Variants in TRIM9 observed in about 807,000 individuals in gnomAD.
TRIM9 encodes the protein tripartite motif containing 9.
A neutral mutation model predicts 78.3 loss-of-function variants in TRIM9; 26 were observed. The observed-to-expected ratio is 0.33, with a 90% CI of 0.24 to 0.46. TRIM9 has a LOEUF of 0.46. Ranked by LOEUF, TRIM9 falls within the 20% of genes least tolerant of loss-of-function variation. The pLI is 1.00. For missense variants in TRIM9, 787 were observed against 1,036.4 expected (o/e 0.76, Z 3.30); for synonymous variants, 398 against 416.5 (o/e 0.96, Z 0.54).
rs1160057754 is a variant in TRIM9 at position 51,066,087 on chromosome 14, A to AGGAGGGAG, written c.822+28023_822+28030dup. ...AAGGAAGGAAGGAAGGAAGGAAGGAAGGAGGGAGGGAGGGACGGAGGGAGG... is the reference window on the plus strand; with the variant it reads ...AAGGAAGGAAGGAAGGAAGGAAGGAAGGAGGGAGGGAGGGAGGGAGGGACGGAGGGAGG... On this transcript the variant is annotated intron_variant, in intron 1 of 12. Coordinates refer to ENST00000684578, the MANE Select transcript of TRIM9 (RefSeq NM_001387360.1). 3.3e-3 allele frequency among the ~76,000 whole-genome samples: 242 copies of AGGAGGGAG among 72,394 alleles called. 1 individual carries two copies. Among genetic ancestry groups the AGGAGGGAG allele is most frequent in the African/African-American group, 0.013 (227 of 18,044 alleles). The allele number at this position is 72,394 out of a possible 152,430, so 47.5% of individuals were successfully genotyped here. A position where few individuals can be genotyped will look rare whatever the true frequency, so the allele number is the denominator to read the frequency against.
At chr14:50,980,162 G>C (rs1372237861) in intron 11 of TRIM9, among the ~76,000 whole-genome samples, 1 of 152,128 alleles carries the variant, frequency 6.6e-6, no homozygotes, top group Non-Finnish European at 1.5e-5. Flanking sequence ...TGTTGCATTT[G>C]AATTAAGAAC....
chr14:51,021,297 G>T (rs755473705), intron 3 of TRIM9, among the ~76,000 whole-genome samples: 2 of 152,184 alleles, frequency 1.3e-5, no homozygotes, highest in Non-Finnish European at 2.9e-5. Context: ...CAGCTTTGCC[G>T]ATTCCTGCAG....
intron 1 of TRIM9, among the ~76,000 whole-genome samples, chr14:51,076,714 C>T (rs568619507): frequency 2.6e-5 from 4 of 152,314 alleles, no homozygotes; most frequent in Non-Finnish European, 4.4e-5. Context: ...CTTTCATCTT[C>T]GCAACAGTCC....
chr14:51,090,478 G>C (rs911260485), intron 1 of TRIM9: 9 of 152,116 alleles, frequency 5.9e-5, no homozygotes, highest in African/African-American at 1.4e-4. Context: ...AAAGGTAAGA[G>C]AAAAATAACA....
rs140776674 is a variant in TRIM9, at chr14:50,981,604, C to T, written c.2162+196G>A. Among the ~76,000 whole-genome samples the T allele has an allele frequency of 3.4e-3, 516 of 152,276 alleles. 1 individual carries two copies. Among genetic ancestry groups the T allele is most frequent in the African/African-American group, 0.012 (490 of 41,548 alleles). On this transcript the variant is annotated intron_variant, in intron 11 of 12. Transcript: ENST00000684578. Reference sequence around the variant, plus strand: ...GCAATGAAGGGAGTAGGAAAGTACTCAAGTCTCTATCATTATATAGAAAGT... The same window carrying T: ...GCAATGAAGGGAGTAGGAAAGTACTTAAGTCTCTATCATTATATAGAAAGT...
intron 7 of TRIM9, among the ~76,000 whole-genome samples, chr14:50,990,003 T>C (rs2053278553): frequency 6.6e-6 from 1 of 152,168 alleles, no homozygotes; most frequent in Non-Finnish European, 1.5e-5. Flanking sequence ...TTGGCCACCA[T>C]ATATTTCTTT....
intron 5 of TRIM9, among the ~76,000 whole-genome samples, chr14:51,001,260 C>T (rs1426307045): frequency 3.5e-5 from 5 of 142,756 alleles, no homozygotes; most frequent in East Asian, 2.0e-4. Context: ...GATGGAGTGT[C>T]GCTCTGTCGC....
chr14:51,009,858 G>T (rs975877366), intron 4 of TRIM9, among the ~76,000 whole-genome samples: 1 of 152,170 alleles, frequency 6.6e-6, no homozygotes, highest in African/African-American at 2.4e-5. Context: ...CAAAGCTTAA[G>T]TAAAATCCAG....
intron 8 of TRIM9, 145 bp downstream of exon 8, chr14:50,985,811 T>C: frequency 1.5e-6 from 1 of 676,668 alleles, no homozygotes; most frequent in Non-Finnish European, 2.2e-6. Context: ...ACCATCCCGA[T>C]GCTCCTCATA....
intron 3 of TRIM9, among the ~76,000 whole-genome samples, chr14:51,022,002 C>CTG (rs2057799055): frequency 6.6e-6 from 1 of 151,982 alleles, no homozygotes; most frequent in Non-Finnish European, 1.5e-5. Context: ...ATTTTTTTGC[C>CTG]TGTGTATGGC....
intron 7 of TRIM9, among the ~76,000 whole-genome samples, chr14:50,992,516 T>A (rs2053650051): frequency 6.6e-6 from 1 of 151,830 alleles, no homozygotes; most frequent in Non-Finnish European, 1.5e-5. Context: ...AAGGTTACAG[T>A]GAGCCACGAT....
chr14:51,071,959 G>A (rs2062313583), intron 1 of TRIM9, among the ~76,000 whole-genome samples: 1 of 152,224 alleles, frequency 6.6e-6, no homozygotes, highest in Non-Finnish European at 1.5e-5. Flanking sequence ...GCCAATCCCG[G>A]ACTCAGCAGC....
At chr14:50,979,602 C>G (rs918897000) in intron 11 of TRIM9, 53 bp from the exon 12 acceptor site, 26 of 1,484,578 alleles carry the variant, frequency 1.8e-5, no homozygotes, top group Non-Finnish European at 2.3e-5. Context: ...ACTCTAGAAG[C>G]TCCCCCCTTT....
chr14:51,086,477 ACCGGG>A (rs1340989425), intron 1 of TRIM9, among the ~76,000 whole-genome samples: 14 of 152,230 alleles, frequency 9.2e-5, no homozygotes, highest in Non-Finnish European at 1.9e-4. Flanking sequence ...AATTTAAAAT[ACCGGG>A]TTATATTGCT....
At chr14:51,093,430 T>C (rs1241156635) in intron 1 of TRIM9, among the ~76,000 whole-genome samples, 1 of 152,254 alleles carries the variant, frequency 6.6e-6, no homozygotes, top group East Asian at 1.9e-4. Context: ...CCTGACACTC[T>C]AGTCTCAGGT....
chr14:51,060,506 G>A (rs920759071), intron 1 of TRIM9, among the ~76,000 whole-genome samples: 2 of 150,426 alleles, frequency 1.3e-5, no homozygotes, highest in East Asian at 1.9e-4. Context: ...TTGCTCTGTC[G>A]CCCAGGCTGG....
chr14:51,028,725 G>A (rs986198462), intron 1 of TRIM9, among the ~76,000 whole-genome samples: 2 of 152,170 alleles, frequency 1.3e-5, no homozygotes, highest in Admixed American at 6.5e-5. Flanking sequence ...AAGGTGTCAC[G>A]ATCTGAAGGT....
chr14:51,050,891 C>T (rs1024532082), intron 1 of TRIM9, among the ~76,000 whole-genome samples: 3 of 152,170 alleles, frequency 2.0e-5, no homozygotes, highest in Non-Finnish European at 2.9e-5. Context: ...ATTCTACAAC[C>T]CTACTCAAGC....
intron 5 of TRIM9, among the ~76,000 whole-genome samples, chr14:51,003,066 C>T (rs190540579): frequency 1.4e-4 from 22 of 152,290 alleles, no homozygotes; most frequent in African/African-American, 4.8e-4. Context: ...GAGAAGGACA[C>T]AGAAGACATA....
Sources: allele counts gnomAD v4.1 joint callset (sites outside exome capture counted in the v4.1 genomes callset), GRCh38; gene constraint gnomAD v4.1.1; transcripts MANE v1.5; gene names NCBI Gene and HGNC (gene_info 2026-07-23, HGNC 2026-07-21).